The following FSTL5 variants were observed in gnomAD, a reference collection of about 807,000 sequenced individuals.
FSTL5 encodes follistatin-related protein 5.
A neutral mutation model predicts 89.1 loss-of-function variants in FSTL5; 62 were observed. The ratio of observed to expected loss-of-function variants is 0.70; its 90% CI spans 0.57 to 0.86. The LOEUF (loss-of-function observed/expected upper bound fraction) is 0.86. Ranked by LOEUF, FSTL5 falls within the 40% of genes least tolerant of loss-of-function variation. The pLI, the probability that FSTL5 is intolerant of heterozygous loss-of-function variation, is 0.00. For missense variants in FSTL5, 1,057 were observed against 1,001.6 expected (o/e 1.06, Z -0.75); for synonymous variants, 383 against 346.2 (o/e 1.11, Z -1.18).
intron 8 of FSTL5, among the ~76,000 whole-genome samples, chr4:161,552,116 T>G (rs1173232333): frequency 6.6e-6 from 1 of 151,918 alleles, no homozygotes; most frequent in East Asian, 1.9e-4. Flanking sequence ...AAGTGATATG[T>G]TAATGTACTT....
At chr4:161,890,577 A>T (rs1732953932) in intron 4 of FSTL5, among the ~76,000 whole-genome samples, 1 of 150,764 alleles carries the variant, frequency 6.6e-6, no homozygotes, top group African/African-American at 2.4e-5. Flanking sequence ...AACCCCAGCT[A>T]CTCAGGAGGC....
intron 12 of FSTL5, among the ~76,000 whole-genome samples, chr4:161,486,026 C>A (rs1178552140): frequency 6.6e-6 from 1 of 151,504 alleles, no homozygotes; most frequent in East Asian, 1.9e-4. Flanking sequence ...CGCCTGTAAT[C>A]CCAGGCACTC....
intron 7 of FSTL5, among the ~76,000 whole-genome samples, chr4:161,598,405 A>AACAG (rs1348604896): frequency 1.4e-4 from 21 of 151,304 alleles, no homozygotes; most frequent in African/African-American, 5.1e-4. Flanking sequence ...CAAACAAACA[A>AACAG]AACGCATGTT....
chr4:161,660,310 A>G (rs1224282661), intron 6 of FSTL5, among the ~76,000 whole-genome samples: 2 of 152,152 alleles, frequency 1.3e-5, no homozygotes, highest in African/African-American at 4.8e-5. Context: ...CTTTAAAGGA[A>G]TGAAATATTT....
chr4:162,053,281 A>G (rs528769805), intron 2 of FSTL5, among the ~76,000 whole-genome samples: 1 of 151,840 alleles, frequency 6.6e-6, no homozygotes, highest in African/African-American at 2.4e-5. Flanking sequence ...CTGTAACCAC[A>G]GTATGTCCTC....
chr4:161,407,559 G>T lies in FSTL5; in HGVS notation c.1842-21110C>A, dbSNP rs150778123. ...ACTGTGGACCTCTGGAATCCTAGCT[G>T]CAGGGACCCCATACCCCCACAGACC... On this transcript the variant is annotated intron_variant, in intron 15 of 15. Transcript: ENST00000306100. 6.0e-3 allele frequency among the ~76,000 whole-genome samples: 916 copies of T among 151,786 alleles called. 7 individuals carry two copies. Among genetic ancestry groups the T allele is most frequent in the African/African-American group, 0.02 (848 of 41,368 alleles).
intron 3 of FSTL5, among the ~76,000 whole-genome samples, chr4:161,977,625 A>AT (rs1560948483): frequency 0.019 from 882 of 47,524 alleles, 18 homozygotes; most frequent in Non-Finnish European, 0.027. Context: ...AAAAAAAAAA[A>AT]AAAAAAAAAA....
chr4:161,437,564 T>TCAAAAAAAAAAAAAAAAAAAAAAAA (rs1732606907), intron 15 of FSTL5, among the ~76,000 whole-genome samples: 1 of 25,034 alleles, frequency 4.0e-5, no homozygotes, highest in African/African-American at 1.7e-4. Context: ...AGACTCCGTC[T>TCAAAAAAAAAAAAAAAAAAAAAAAA]CAAAAAAAAA....
At chr4:161,539,740 CA>C (rs1313899677) in intron 9 of FSTL5, among the ~76,000 whole-genome samples, 3 of 151,866 alleles carry the variant, frequency 2.0e-5, no homozygotes, top group East Asian at 1.9e-4. Flanking sequence ...AAAACAAAAA[CA>C]AAAAAACCCA....
At chr4:161,773,707 G>A (rs1741291838) in intron 5 of FSTL5, among the ~76,000 whole-genome samples, 1 of 152,146 alleles carries the variant, frequency 6.6e-6, no homozygotes, top group South Asian at 2.1e-4. Flanking sequence ...TGATGTGGAT[G>A]TGGTCAAAGG....
At chr4:161,823,358 C>T (rs1469747474) in intron 4 of FSTL5, among the ~76,000 whole-genome samples, 1 of 152,088 alleles carries the variant, frequency 6.6e-6, no homozygotes, top group Non-Finnish European at 1.5e-5. Context: ...CTCTCAGAGC[C>T]CCCTGGCCTC....
intron 2 of FSTL5, among the ~76,000 whole-genome samples, chr4:162,092,947 C>CAAAAA (rs57860357): frequency 2.5e-4 from 20 of 80,684 alleles, no homozygotes; most frequent in South Asian, 4.7e-4. Context: ...GACTCTGTCT[C>CAAAAA]AAAAAAAAAA....
At chr4:161,967,622 A>G (rs1233381311) in intron 3 of FSTL5, among the ~76,000 whole-genome samples, 1 of 151,888 alleles carries the variant, frequency 6.6e-6, no homozygotes, top group Non-Finnish European at 1.5e-5. Context: ...CTTTTTTGTT[A>G]TATTGAAAGT....
intron 2 of FSTL5, among the ~76,000 whole-genome samples, chr4:162,055,857 A>G (rs977799679): frequency 1.3e-5 from 2 of 151,952 alleles, no homozygotes; most frequent in Non-Finnish European, 2.9e-5. Flanking sequence ...GAAAGGATAA[A>G]TTATATAATA....
intron 7 of FSTL5, among the ~76,000 whole-genome samples, chr4:161,637,771 T>A (rs1408522228): frequency 5.0e-5 from 6 of 118,950 alleles, no homozygotes; most frequent in African/African-American, 2.4e-4. Context: ...ATCAGATAGT[T>A]GTAGATATGT....
intron 4 of FSTL5, among the ~76,000 whole-genome samples, chr4:161,845,860 A>C (rs995237871): frequency 7.2e-5 from 11 of 152,138 alleles, no homozygotes; most frequent in African/African-American, 2.7e-4. Context: ...AGCCTGGCCA[A>C]CATGGTGAAA....
intron 7 of FSTL5, among the ~76,000 whole-genome samples, chr4:161,627,664 T>G (rs17343587): frequency 0.23 from 34,708 of 152,000 alleles, 4,158 homozygotes; most frequent in Non-Finnish European, 0.24. Context: ...TAATTCACCA[T>G]ATATTTATAC....
At chr4:161,616,950 T>C (rs532612218) in intron 7 of FSTL5, among the ~76,000 whole-genome samples, 1 of 150,180 alleles carries the variant, frequency 6.7e-6, no homozygotes, top group Admixed American at 6.7e-5. Flanking sequence ...CAATCAGACA[T>C]GCAAACAGGA....
chr4:162,080,739 C>T (rs1730060206), intron 2 of FSTL5, among the ~76,000 whole-genome samples: 2 of 151,338 alleles, frequency 1.3e-5, no homozygotes, highest in Admixed American at 6.6e-5. Context: ...GCCCCCATAC[C>T]CTCAAATTTG....
Sources: gnomAD v4.1 joint callset for allele counts (sites outside exome capture counted in the v4.1 genomes callset) on GRCh38, gnomAD v4.1.1 for gene constraint, MANE v1.5 for transcripts, NCBI Gene and HGNC (gene_info 2026-07-23, HGNC 2026-07-21) for gene names.